Variants in SRRM3 observed in about 807,000 individuals in gnomAD.
SRRM3 encodes serine/arginine repetitive matrix protein 3.
Under a neutral mutation model 66.2 loss-of-function variants are expected in SRRM3, and 27 were observed. The ratio of observed to expected loss-of-function variants is 0.41; its 90% CI spans 0.30 to 0.56. The LOEUF (loss-of-function observed/expected upper bound fraction) is 0.56, where lower values mean the gene tolerates loss of function less well. SRRM3 is among the 20% of genes least tolerant of loss of function. The pLI, the probability that SRRM3 is intolerant of heterozygous loss-of-function variation, is 0.32. For missense variants in SRRM3, 918 were observed against 991.9 expected, an observed-to-expected ratio of 0.93 and a Z score of 1.00; for synonymous variants, 391 against 414.9, an observed-to-expected ratio of 0.94 and a Z score of 0.70.
intron 11 of SRRM3, among the ~76,000 whole-genome samples, chr7:76,279,084 C>G (rs1040919209): frequency 3.3e-5 from 5 of 152,182 alleles, no homozygotes; most frequent in Non-Finnish European, 7.3e-5. Flanking sequence ...CACGGTGAAA[C>G]CCCGTCTCTC....
chr7:76,239,390 A>G (rs551792002), intron 2 of SRRM3, among the ~76,000 whole-genome samples: 1 of 152,076 alleles, frequency 6.6e-6, no homozygotes, highest in African/African-American at 2.4e-5. Flanking sequence ...GCTCATCTAT[A>G]AAATGGGAAT....
intron 11 of SRRM3, among the ~76,000 whole-genome samples, chr7:76,272,364 C>A (rs1802234657): frequency 6.6e-6 from 1 of 151,862 alleles, no homozygotes; most frequent in African/African-American, 2.4e-5. Context: ...AGTTTGAAAT[C>A]AGCCTGGGCA....
intron 1 of SRRM3, among the ~76,000 whole-genome samples, chr7:76,202,270 C>T (rs1318700055): frequency 1.3e-4 from 1 of 7,992 alleles, no homozygotes; most frequent in Non-Finnish European, 2.3e-4. Flanking sequence ...GGGATGGAGA[C>T]AGTGGAGACC....
At chr7:76,236,248 G>T (rs1277125816) in intron 2 of SRRM3, among the ~76,000 whole-genome samples, 4 of 150,460 alleles carry the variant, frequency 2.7e-5, no homozygotes, top group African/African-American at 4.9e-5. Flanking sequence ...GGTGGAGGTT[G>T]CAGTGAGCTG....
Position 76,281,435 on chromosome 7 carries a change from C to G in SRRM3, c.1009-6C>G. On this transcript the variant is annotated splice_region_variant and splice_polypyrimidine_tract_variant and intron_variant, in intron 11 of 14. Transcript: ENST00000611745. ...TCCGTGCCCTGTCTGCCTCTCTCCC[C>G]GTCAGAAGCCCAGCTCGCCCTCGCC... 2 of 1,234,614 alleles carry G rather than the reference C, an allele frequency of 1.6e-6. No homozygotes were observed. Among genetic ancestry groups the G allele is most frequent in the African/African-American group, 1.6e-5 (1 of 64,186 alleles). The allele number at this position is 1,234,614 out of a possible 1,614,324, so 76.5% of individuals were successfully genotyped here. A position where few individuals can be genotyped will look rare whatever the true frequency, so the allele number is the denominator to read the frequency against.
At chr7:76,203,059 C>A (rs79479469) in intron 1 of SRRM3, among the ~76,000 whole-genome samples, 1 of 152,294 alleles carries the variant, frequency 6.6e-6, no homozygotes, top group Admixed American at 6.5e-5. Flanking sequence ...TGGGCTTTGA[C>A]GGAGAGACGT....
intron 3 of SRRM3, among the ~76,000 whole-genome samples, chr7:76,250,393 C>A (rs532934646): frequency 3.3e-5 from 5 of 152,042 alleles, no homozygotes; most frequent in African/African-American, 1.2e-4. Flanking sequence ...CATGACGCCC[C>A]GCTAATTTTT....
intron 11 of SRRM3, among the ~76,000 whole-genome samples, chr7:76,280,779 C>T (rs1554611724): frequency 2.2e-5 from 3 of 134,172 alleles, no homozygotes; most frequent in Non-Finnish European, 5.0e-5. Context: ...CACCCGCCCG[C>T]TCTCTCACCC....
rs561337757 is a variant in SRRM3, at chr7:76,228,533, G to A, written c.-39-6495G>A. ...AGGTCAGAAGTTCAAGACCAGTCTG[G>A]CCAACATAGTGAAACCCTGTCTCTA... On this transcript the variant is annotated intron_variant, in intron 1 of 14. Coordinates refer to ENST00000611745, the MANE Select transcript of SRRM3 (RefSeq NM_001110199.3). Among the ~76,000 whole-genome samples, 79 of 152,088 alleles carry A rather than the reference G, an allele frequency of 5.2e-4. 1 individual carries two copies. Among genetic ancestry groups the A allele is most frequent in the African/African-American group, 1.8e-3 (74 of 41,510 alleles).
chr7:76,281,062 CCT>C (rs1397271863), intron 11 of SRRM3, among the ~76,000 whole-genome samples: 1 of 146,342 alleles, frequency 6.8e-6, no homozygotes, highest in East Asian at 2.0e-4. Context: ...GCTCTTTCGC[CCT>C]CTCTCTTTCT....
At chr7:76,241,491 T>A (rs1390890975) in intron 2 of SRRM3, among the ~76,000 whole-genome samples, 1 of 152,132 alleles carries the variant, frequency 6.6e-6, no homozygotes, top group East Asian at 1.9e-4. Context: ...CAGTTGCTAC[T>A]ATTTATTTAT....
chr7:76,270,093 A>G (rs6465074), intron 11 of SRRM3: 16,196 of 152,150 alleles, frequency 0.11, 1,091 homozygotes, highest in East Asian at 0.24. Flanking sequence ...TAAATTAACT[A>G]TAGTGGTGCA....
chr7:76,255,148 C>CTTTTTTTTTTTTTTTTTTTTTTTTCT (rs57880700), intron 3 of SRRM3, among the ~76,000 whole-genome samples: 3 of 83,178 alleles, frequency 3.6e-5, no homozygotes, highest in South Asian at 4.4e-4. Flanking sequence ...TTCTTTCTTT[C>CTTTTTTTTTTTTTTTTTTTTTTTTCT]TTTTTTTTTT....
In SRRM3 at chr7:76,286,937, A is replaced by G. The variant is rs1802694162; in HGVS notation, c.*1094A>G. ...GGATAACATGTGCTTTGGACCTGACAAGGGAGTACCTTGGGGGTCTGATGG... is the reference window on the plus strand; with the variant it reads ...GGATAACATGTGCTTTGGACCTGACGAGGGAGTACCTTGGGGGTCTGATGG... On this transcript the variant is annotated 3_prime_UTR_variant, in exon 15 of 15. Coordinates refer to ENST00000611745, the MANE Select transcript of SRRM3 (RefSeq NM_001110199.3). The G allele has an allele frequency of 6.5e-6, 1 of 152,722 alleles. No individual in the cohort carries two copies. Among genetic ancestry groups the G allele is most frequent in the Non-Finnish European group, 1.5e-5 (1 of 68,192 alleles). The allele number at this position is 152,722 out of a possible 1,614,324, so 9.5% of individuals were successfully genotyped here. A position where few individuals can be genotyped will look rare whatever the true frequency, so the allele number is the denominator to read the frequency against.
chr7:76,261,467 G>GGCCA, intron 7 of SRRM3, 53 bp downstream of exon 7: 1 of 1,598,764 alleles, frequency 6.3e-7, no homozygotes, highest in Non-Finnish European at 8.5e-7. Flanking sequence ...TGGGGCCCAG[G>GGCCA]GCCAGGGCTG....
At chr7:76,284,401 C>T (rs1462332331) in intron 14 of SRRM3, among the ~76,000 whole-genome samples, 4 of 152,162 alleles carry the variant, frequency 2.6e-5, no homozygotes, top group African/African-American at 9.7e-5. Context: ...TGGTCTCAAA[C>T]TCCTGACCTC....
chr7:76,251,376 CTTT>C (rs782717745), intron 3 of SRRM3, among the ~76,000 whole-genome samples: 2 of 142,394 alleles, frequency 1.4e-5, no homozygotes, highest in Admixed American at 7.1e-5. Context: ...CCCAGCAGCA[CTTT>C]TTTTTTTTTT....
intron 3 of SRRM3, among the ~76,000 whole-genome samples, chr7:76,257,406 A>T (rs1801738604): frequency 1.3e-5 from 2 of 148,154 alleles, no homozygotes; most frequent in South Asian, 4.4e-4. Flanking sequence ...CCCCCTAGAG[A>T]CAGGTCTCTG....
At chr7:76,214,216 C>T (rs1554602268) in intron 1 of SRRM3, among the ~76,000 whole-genome samples, 2 of 152,048 alleles carry the variant, frequency 1.3e-5, no homozygotes, top group African/African-American at 2.4e-5. Flanking sequence ...TGGAGATTCT[C>T]GGATGATGGC....
Sources: allele counts gnomAD v4.1 joint callset (sites outside exome capture counted in the v4.1 genomes callset), GRCh38; gene constraint gnomAD v4.1.1; transcripts MANE v1.5; gene names NCBI Gene and HGNC (gene_info 2026-07-23, HGNC 2026-07-21).